The following MSRA variants were observed in gnomAD, a reference collection of about 807,000 sequenced individuals.
MSRA encodes methionine sulfoxide reductase A.
MSRA carries 54 observed loss-of-function variants against 31.3 expected under a neutral mutation model. The observed-to-expected ratio is 1.73, with a 90% CI of 1.39 to 2.17. The LOEUF (loss-of-function observed/expected upper bound fraction) is 2.17. Among genes scored for constraint, MSRA ranks in the 30% most tolerant of loss-of-function variants. The pLI is 0.00. For missense variants in MSRA, 507 were observed against 300.9 expected (o/e 1.69, Z -5.07); for synonymous variants, 169 against 116.5 (o/e 1.45, Z -2.90).
chr8:10,290,162 G>C (rs914410748), intron 3 of MSRA, among the ~76,000 whole-genome samples: 57 of 152,146 alleles, frequency 3.7e-4, no homozygotes, highest in Admixed American at 3.7e-3. Flanking sequence ...TTACTTGCCC[G>C]TAGTAAATGC....
intron 4 of MSRA, 115 bp from the exon 5 acceptor site, chr8:10,319,768 C>T: frequency 4.1e-6 from 2 of 487,182 alleles, no homozygotes; most frequent in Non-Finnish European, 7.1e-6. Context: ...CTTAGCAACA[C>T]ATCAGGCACA....
chr8:10,396,953 C>G (rs4240645), intron 5 of MSRA, among the ~76,000 whole-genome samples: 107,648 of 152,142 alleles, frequency 0.71, 38,733 homozygotes, highest in African/African-American at 0.83. Context: ...GCTTCCAAAC[C>G]GTGAACATTC....
intron 3 of MSRA, among the ~76,000 whole-genome samples, chr8:10,283,834 T>TACACACACACAC (rs1481715144): frequency 1.5e-3 from 110 of 71,064 alleles, no homozygotes; most frequent in Non-Finnish European, 2.5e-3. Flanking sequence ...TATATATATA[T>TACACACACACAC]ATACACACAC....
At chr8:10,295,855 T>C (rs1452125174) in intron 3 of MSRA, among the ~76,000 whole-genome samples, 1 of 152,124 alleles carries the variant, frequency 6.6e-6, no homozygotes, top group Non-Finnish European at 1.5e-5. Context: ...GAGGAAGTCG[T>C]TGACAGGGTG....
chr8:10,105,509 T>C (rs941372687), intron 1 of MSRA, among the ~76,000 whole-genome samples: 19 of 152,330 alleles, frequency 1.2e-4, no homozygotes, highest in Non-Finnish European at 1.8e-4. Context: ...TTGTGGAGTT[T>C]TACTCTATTA....
At chr8:10,079,435 G>A (rs949370975) in intron 1 of MSRA, among the ~76,000 whole-genome samples, 1 of 152,148 alleles carries the variant, frequency 6.6e-6, no homozygotes, top group Admixed American at 6.5e-5. Context: ...ACTTACAGGT[G>A]TGAGCCACCA....
At chr8:10,260,497 C>T (rs1398861681) in intron 3 of MSRA, among the ~76,000 whole-genome samples, 1 of 152,164 alleles carries the variant, frequency 6.6e-6, no homozygotes, top group Non-Finnish European at 1.5e-5. Context: ...AGTTGACAGG[C>T]ACAGATGGAC....
At chr8:10,352,365 A>C (rs918576057) in intron 5 of MSRA, among the ~76,000 whole-genome samples, 1 of 152,190 alleles carries the variant, frequency 6.6e-6, no homozygotes, top group African/African-American at 2.4e-5. Flanking sequence ...CGAAGGGGAA[A>C]ATCTAGTGTT....
intron 5 of MSRA, among the ~76,000 whole-genome samples, chr8:10,388,886 G>T (rs1438446014): frequency 6.6e-6 from 1 of 151,664 alleles, no homozygotes; most frequent in Non-Finnish European, 1.5e-5. Flanking sequence ...TGCTACCCTG[G>T]TTGTGGCAAC....
intron 5 of MSRA, among the ~76,000 whole-genome samples, chr8:10,377,724 A>G (rs1805832667): frequency 6.6e-6 from 1 of 152,216 alleles, no homozygotes. Flanking sequence ...CTCAAAAATC[A>G]GATTGGAACC....
intron 5 of MSRA, among the ~76,000 whole-genome samples, chr8:10,351,527 T>C (rs1394786002): frequency 6.6e-6 from 1 of 152,214 alleles, no homozygotes; most frequent in East Asian, 1.9e-4. Flanking sequence ...GCTGGGATTA[T>C]AGGCGTGAGC....
intron 3 of MSRA, among the ~76,000 whole-genome samples, chr8:10,287,758 G>T (rs1800014715): frequency 6.6e-6 from 1 of 152,148 alleles, no homozygotes. Context: ...CAGGTGTGAA[G>T]TTGCCAAGAA....
rs1262841575 is a variant in MSRA at position 10,057,573 on chromosome 8, G to A, written c.142+2915G>A. On this transcript the variant is annotated intron_variant, in intron 1 of 5. Transcript: ENST00000317173. ...TGTGTCCTCACGTAAATCTCATTTC[G>A]AATTGTAATTCCCACCTGTTGGAGG... is the stretch of plus-strand genomic sequence containing the variant. Among the ~76,000 whole-genome samples the A allele has an allele frequency of 4.6e-5, 7 of 152,098 alleles. No individual in the cohort carries two copies. In the South Asian group the frequency reaches 1.2e-3, roughly 27 times the overall value.
intron 1 of MSRA, among the ~76,000 whole-genome samples, chr8:10,070,887 A>G (rs573582926): frequency 1.3e-5 from 2 of 152,294 alleles, no homozygotes; most frequent in East Asian, 3.9e-4. Flanking sequence ...ACCACAGTTT[A>G]ACCATTCACA....
chr8:10,294,535 C>G (rs1800422543), intron 3 of MSRA, among the ~76,000 whole-genome samples: 1 of 152,122 alleles, frequency 6.6e-6, no homozygotes, highest in Non-Finnish European at 1.5e-5. Flanking sequence ...AGGGTGGCAA[C>G]TCGGGCACTC....
At chr8:10,057,192 A>C (rs1038988946) in intron 1 of MSRA, among the ~76,000 whole-genome samples, 13 of 152,136 alleles carry the variant, frequency 8.5e-5, no homozygotes, top group African/African-American at 3.1e-4. Flanking sequence ...CCTGCCCTGG[A>C]CTGCCTCATT....
At chr8:10,215,434 C>G (rs899035726) in intron 2 of MSRA, among the ~76,000 whole-genome samples, 1 of 152,210 alleles carries the variant, frequency 6.6e-6, no homozygotes, top group African/African-American at 2.4e-5. Flanking sequence ...GACAGACCAG[C>G]CGGACAGGTG....
chr8:10,116,448 G>C (rs1477646849), intron 1 of MSRA, among the ~76,000 whole-genome samples: 1 of 152,182 alleles, frequency 6.6e-6, no homozygotes, highest in African/African-American at 2.4e-5. Flanking sequence ...CAATTCTTGA[G>C]CACCTCCTGT....
chr8:10,074,858 C>T (rs545781826), intron 1 of MSRA, among the ~76,000 whole-genome samples: 9 of 152,142 alleles, frequency 5.9e-5, no homozygotes, highest in East Asian at 3.9e-4. Flanking sequence ...GGGGGTTCAC[C>T]GTGTTGGCCA....
Sources: allele counts gnomAD v4.1 joint callset (sites outside exome capture counted in the v4.1 genomes callset), GRCh38; gene constraint gnomAD v4.1.1; transcripts MANE v1.5; gene names NCBI Gene and HGNC (gene_info 2026-07-23, HGNC 2026-07-21).